MAGI1: variants seen among roughly 807,000 people sequenced by gnomAD.
The protein encoded by MAGI1 is membrane-associated guanylate kinase, WW and PDZ domain-containing protein 1.
In MAGI1, 58 loss-of-function variants were observed where a neutral mutation model predicts 139.9. The ratio of observed to expected loss-of-function variants is 0.41; its 90% confidence interval spans 0.34 to 0.52. The LOEUF (loss-of-function observed/expected upper bound fraction) is 0.52, where lower values mean the gene tolerates loss of function less well. Among genes scored for constraint, MAGI1 ranks in the 20% least tolerant of loss-of-function variants. The pLI is 0.12. For missense variants in MAGI1, 1,874 were observed against 1,901.6 expected (o/e 0.99, Z 0.27); for synonymous variants, 812 against 737.9 (o/e 1.10, Z -1.63).
chr3:65,771,098 G>C (rs552726644), intron 1 of MAGI1, among the ~76,000 whole-genome samples: 1 of 151,932 alleles, frequency 6.6e-6, no homozygotes, highest in Non-Finnish European at 1.5e-5. Context: ...CCTGAGGCCA[G>C]GAGTTCGAGA....
chr3:65,379,696 G>C (rs540464110), intron 16 of MAGI1, 142 bp from the exon 17 acceptor site: 862 of 1,362,096 alleles, frequency 6.3e-4, no homozygotes, highest in Non-Finnish European at 7.5e-4. Flanking sequence ...ACAATACCTG[G>C]ATATACGGAT....
intron 1 of MAGI1, among the ~76,000 whole-genome samples, chr3:65,746,273 A>G (rs1295017287): frequency 6.6e-6 from 1 of 152,158 alleles, no homozygotes; most frequent in Non-Finnish European, 1.5e-5. Flanking sequence ...TGACCTTGTG[A>G]TCTGCCTGCC....
chr3:65,825,641 A>T (rs896496020), intron 1 of MAGI1, among the ~76,000 whole-genome samples: 1 of 152,212 alleles, frequency 6.6e-6, no homozygotes, highest in African/African-American at 2.4e-5. Context: ...GGTAACATAA[A>T]ACTATATATT....
chr3:65,462,764 T>C (rs1949898892), intron 5 of MAGI1, among the ~76,000 whole-genome samples: 1 of 152,232 alleles, frequency 6.6e-6, no homozygotes, highest in African/African-American at 2.4e-5. Flanking sequence ...GGAATGTTTT[T>C]CCATTTATTT....
intron 1 of MAGI1, among the ~76,000 whole-genome samples, chr3:65,884,708 C>T (rs958403694): frequency 3.9e-5 from 6 of 152,118 alleles, no homozygotes; most frequent in Admixed American, 3.9e-4. Context: ...GTAATGAACA[C>T]AATCCCACCA....
intron 1 of MAGI1, among the ~76,000 whole-genome samples, chr3:65,834,090 C>T (rs942297241): frequency 5.3e-5 from 8 of 152,108 alleles, no homozygotes; most frequent in African/African-American, 1.9e-4. Flanking sequence ...ATTCTTATGC[C>T]TAACACCAGC....
intron 5 of MAGI1, among the ~76,000 whole-genome samples, chr3:65,458,339 A>G (rs1413685627): frequency 1.3e-5 from 2 of 149,902 alleles, no homozygotes; most frequent in African/African-American, 4.9e-5. Flanking sequence ...TGATAGCTCT[A>G]TTTTTAGTTT....
At chr3:65,433,682 T>G (rs1039975506) in intron 10 of MAGI1, among the ~76,000 whole-genome samples, 62 of 152,206 alleles carry the variant, frequency 4.1e-4, no homozygotes, top group African/African-American at 1.5e-3. Context: ...CTTTTTAAAA[T>G]GTACTCATTT....
intron 1 of MAGI1, among the ~76,000 whole-genome samples, chr3:65,774,874 A>G (rs1178007729): frequency 6.6e-6 from 1 of 152,180 alleles, no homozygotes; most frequent in East Asian, 1.9e-4. Flanking sequence ...TGTCTTCACT[A>G]TTGATAGCTA....
chr3:65,851,582 C>G (rs956731353), intron 1 of MAGI1, among the ~76,000 whole-genome samples: 4 of 152,034 alleles, frequency 2.6e-5, no homozygotes, highest in African/African-American at 9.7e-5. Context: ...AACCTCATCT[C>G]TACTAAAAAT....
chr3:65,520,536 G>T lies in MAGI1; in HGVS notation c.431-26905C>A, dbSNP rs183006669. The stretch of plus-strand genomic sequence containing the variant: ...TGTGAGGTTACAAGGAGATAATGTA[G>T]GTAAAATGCTTTGCCCCATGCCTGA... On this transcript the variant is annotated intron_variant, in intron 2 of 22. Transcript: ENST00000402939. Among the ~76,000 whole-genome samples, 95 of 152,242 alleles carry T rather than the reference G, an allele frequency of 6.2e-4. 2 individuals carry two copies. The highest frequency in any genetic ancestry group is 2.0e-3 in the African/African-American group (85 of 41,536).
At chr3:65,398,498 CA>C (rs1333312292) in intron 13 of MAGI1, among the ~76,000 whole-genome samples, 1 of 148,826 alleles carries the variant, frequency 6.7e-6, no homozygotes, top group Admixed American at 6.7e-5. Context: ...GACCTCATCT[CA>C]AAAAAAAAGA....
chr3:65,521,463 T>C (rs979569365), intron 2 of MAGI1, among the ~76,000 whole-genome samples: 6 of 152,212 alleles, frequency 3.9e-5, no homozygotes, highest in Admixed American at 6.5e-5. Context: ...TTAGAATTGG[T>C]TTAATAAATA....
chr3:65,709,969 A>T (rs979656130), intron 1 of MAGI1, among the ~76,000 whole-genome samples: 1 of 152,176 alleles, frequency 6.6e-6, no homozygotes, highest in Admixed American at 6.5e-5. Flanking sequence ...GTGACCTTAC[A>T]ATCAAAGCTT....
chr3:65,949,057 C>T (rs1405070504), intron 1 of MAGI1, among the ~76,000 whole-genome samples: 1 of 152,180 alleles, frequency 6.6e-6, no homozygotes, highest in Admixed American at 6.5e-5. Context: ...GTCAGACACT[C>T]TATATTCCTC....
chr3:65,791,375 A>G (rs1053386045), intron 1 of MAGI1, among the ~76,000 whole-genome samples: 8 of 152,238 alleles, frequency 5.3e-5, no homozygotes, highest in African/African-American at 1.9e-4. Flanking sequence ...ACCTTGGTTA[A>G]GAATATTCTT....
chr3:65,950,073 A>AC (rs71105957), intron 1 of MAGI1, among the ~76,000 whole-genome samples: 8,029 of 95,730 alleles, frequency 0.084, 690 homozygotes, highest in Non-Finnish European at 0.12. Context: ...AAAACAAAAA[A>AC]AAAACAAAAA....
At chr3:65,962,279 C>T (rs978884288) in intron 1 of MAGI1, among the ~76,000 whole-genome samples, 2 of 151,600 alleles carry the variant, frequency 1.3e-5, no homozygotes, top group Non-Finnish European at 2.9e-5. Context: ...CCACCATGCC[C>T]GGCTAATTTT....
intron 1 of MAGI1, among the ~76,000 whole-genome samples, chr3:65,634,836 A>C (rs962710407): frequency 9.9e-5 from 15 of 152,216 alleles, no homozygotes; most frequent in Non-Finnish European, 1.8e-4. Context: ...TGACAACTGC[A>C]TCATGGCTTG....
Sources: allele counts gnomAD v4.1 joint callset (sites outside exome capture counted in the v4.1 genomes callset), GRCh38; gene constraint gnomAD v4.1.1; transcripts MANE v1.5; gene names NCBI Gene and HGNC (gene_info 2026-07-23, HGNC 2026-07-21).